FBXL20: variants seen among roughly 807,000 people sequenced by gnomAD.
The protein encoded by FBXL20 is F-box and leucine rich repeat protein 20.
In FBXL20, 11 loss-of-function variants were observed where a neutral mutation model predicts 64.0. That is an observed-to-expected ratio of 0.17 (90% CI 0.11 to 0.28). The LOEUF is 0.28. FBXL20 is among the 10% of genes least tolerant of loss of function. The pLI is 1.00. For synonymous variants in FBXL20, 184 were observed against 189.0 expected, an observed-to-expected ratio of 0.97 and a Z score of 0.22; for missense variants, 303 against 526.2, an observed-to-expected ratio of 0.58 and a Z score of 4.15.
upstream of FBXL20, chr17:39,401,760 G>A (rs538195619): frequency 5.8e-4 from 621 of 1,063,008 alleles, 2 homozygotes; most frequent in African/African-American, 9.4e-3. Flanking sequence ...CGGCGGCGGC[G>A]GCGCGAGACC....
chr17:39,278,249 G>A (rs1356766122), intron 9 of FBXL20, among the ~76,000 whole-genome samples: 1 of 152,102 alleles, frequency 6.6e-6, no homozygotes, highest in Non-Finnish European at 1.5e-5. Flanking sequence ...AGGTTCAAGT[G>A]AGTCTCCTGC....
intron 1 of FBXL20, among the ~76,000 whole-genome samples, chr17:39,344,621 AC>A (rs1319063711): frequency 7.1e-6 from 1 of 140,046 alleles, no homozygotes; most frequent in Non-Finnish European, 1.6e-5. Flanking sequence ...CCCCATCTCT[AC>A]TAAAAATACA....
intron 2 of FBXL20, among the ~76,000 whole-genome samples, chr17:39,319,203 C>T (rs1279823821): frequency 4.6e-5 from 7 of 151,518 alleles, no homozygotes; most frequent in African/African-American, 9.7e-5. Context: ...GAGTTGAGAT[C>T]GCATCACTGC....
intron 2 of FBXL20, among the ~76,000 whole-genome samples, chr17:39,304,207 C>T (rs1338983512): frequency 6.6e-6 from 1 of 151,852 alleles, no homozygotes; most frequent in Non-Finnish European, 1.5e-5. Flanking sequence ...TAAATAATCT[C>T]TAGCTGGTTT....
At position 39,261,277 on chromosome 17, in the gene FBXL20, A is replaced by T. The variant is rs1343827422; in HGVS notation, c.*183T>A. 8 of 545,378 alleles carry T rather than the reference A, an allele frequency of 1.5e-5. No individual in the cohort carries two copies. The highest frequency in any genetic ancestry group is 2.3e-5 in the Non-Finnish European group (7 of 301,878). 33.8% of individuals were successfully genotyped at this position (545,378 alleles called of 1,614,324 possible). On this transcript the variant is annotated 3_prime_UTR_variant, in exon 15 of 15. Transcript: ENST00000264658. ...ACTTCAGTCCCATGGTCACAAAGCT[A>T]GAGTGGATGGGGGTAAGGGTGTGTA...
chr17:39,260,701 C>A lies in FBXL20; in HGVS notation c.*759G>T, dbSNP rs1410629250. 6.6e-6 allele frequency: 1 copy of A among 152,636 alleles called. No individual in the cohort carries two copies. The highest frequency in any genetic ancestry group is 1.5e-5 in the Non-Finnish European group (1 of 68,040). 9.5% of individuals were successfully genotyped at this position (152,636 alleles called of 1,614,324 possible). On this transcript the variant is annotated 3_prime_UTR_variant, in exon 15 of 15. Transcript: ENST00000264658. Reference sequence around the variant, plus strand: ...AAACACGACAACAGCAAAAGGGTAACAATTGAGTGAGTAAGCAGACTGAAC... The same window carrying A: ...AAACACGACAACAGCAAAAGGGTAAAAATTGAGTGAGTAAGCAGACTGAAC...
chr17:39,335,645 T>C, intron 2 of FBXL20, among the ~76,000 whole-genome samples: 1 of 151,830 alleles, frequency 6.6e-6, no homozygotes, highest in Non-Finnish European at 1.5e-5. Flanking sequence ...CAGTAGCTCT[T>C]GGAAAACACA....
Position 39,292,216 on chromosome 17 carries a change from CT to C in FBXL20, c.398+4910del, listed in dbSNP as rs1223229393. 4.0e-5 allele frequency among the ~76,000 whole-genome samples: 6 copies of C among 150,474 alleles called. 1 individual carries two copies. The highest frequency in any genetic ancestry group is 2.1e-4 in the South Asian group (1 of 4,816). On this transcript the variant is annotated intron_variant, in intron 6 of 14. Transcript: ENST00000264658. ...ATAAGCCAGGGGTACTATTTAATAC[CT>C]TTTTTTCATCTAATTTTTTTCCTTA...
intron 4 of FBXL20, among the ~76,000 whole-genome samples, chr17:39,300,572 C>T (rs898566258): frequency 3.9e-5 from 6 of 152,144 alleles, no homozygotes; most frequent in African/African-American, 1.2e-4. Context: ...ATTCAACCTT[C>T]GTTCTCCACA....
chr17:39,351,705 G>A (rs796688057), intron 1 of FBXL20, among the ~76,000 whole-genome samples: 13 of 152,070 alleles, frequency 8.5e-5, no homozygotes, highest in African/African-American at 2.9e-4. Context: ...ATATATTTCT[G>A]TCATCTATAA....
intron 1 of FBXL20, among the ~76,000 whole-genome samples, chr17:39,362,663 G>A (rs183993279): frequency 6.9e-6 from 1 of 145,172 alleles, no homozygotes; most frequent in Non-Finnish European, 1.5e-5. Context: ...CTGTCAACCA[G>A]GCTGGAGTGC....
At position 39,261,773 on chromosome 17, in the gene FBXL20, T is replaced by C. The variant is rs1382888966; in HGVS notation, c.1204-206A>G. Among the ~76,000 whole-genome samples the C allele has an allele frequency of 3.3e-5, 5 of 151,930 alleles. 1 individual carries two copies. Among genetic ancestry groups the C allele is most frequent in the Non-Finnish European group, 5.9e-5 (4 of 67,984 alleles). ...ACCAGAACAACTCATATGACTTTGG[T>C]ACCTGTTTGTGTAATAATAAAACTG... On this transcript the variant is annotated intron_variant, in intron 14 of 14. Coordinates refer to ENST00000264658, the MANE Select transcript of FBXL20 (RefSeq NM_032875.3).
chr17:39,393,161 C>T (rs535984399), intron 1 of FBXL20, among the ~76,000 whole-genome samples: 174 of 151,670 alleles, frequency 1.1e-3, no homozygotes, highest in Middle Eastern at 3.4e-3. Flanking sequence ...TGGTGGCGGG[C>T]ACCTGTAATC....
chr17:39,283,937 A>G (rs149565310), intron 7 of FBXL20, among the ~76,000 whole-genome samples: 1 of 151,536 alleles, frequency 6.6e-6, no homozygotes, highest in East Asian at 1.9e-4. Flanking sequence ...TCATTCTCCA[A>G]TATTAATAGT....
chr17:39,294,998 A>G (rs1269920952), intron 6 of FBXL20, among the ~76,000 whole-genome samples: 1 of 152,250 alleles, frequency 6.6e-6, no homozygotes, highest in Non-Finnish European at 1.5e-5. Context: ...CACTCATATG[A>G]GAGACTTTAT....
intron 1 of FBXL20, 22 bp from the exon 2 acceptor site, chr17:39,343,263 G>A (rs1434300793): frequency 6.5e-7 from 1 of 1,549,676 alleles, no homozygotes. Context: ...AAATCATAGT[G>A]TCAAGTGTTA....
intron 6 of FBXL20, among the ~76,000 whole-genome samples, chr17:39,295,805 A>ATATATATATATATATATATATATATATT (rs1026860846): frequency 1.3e-5 from 2 of 149,082 alleles, no homozygotes; most frequent in Non-Finnish European, 3.0e-5. Context: ...ATATATATAT[A>ATATATATATATATATATATATATATATT]TTAAGTCTTC....
At chr17:39,282,965 T>TC (rs1340372290) in intron 7 of FBXL20, 110 bp from the exon 8 acceptor site, 11 of 1,307,932 alleles carry the variant, frequency 8.4e-6, no homozygotes, top group African/African-American at 7.4e-5. Flanking sequence ...TCCCATTTTT[T>TC]CCCACAAGAA....
At chr17:39,318,903 C>T (rs2047322172) in intron 2 of FBXL20, among the ~76,000 whole-genome samples, 3 of 152,108 alleles carry the variant, frequency 2.0e-5, no homozygotes, top group African/African-American at 7.2e-5. Context: ...ACTGAGAAGT[C>T]TTTGTTATTT....
Sources: allele counts gnomAD v4.1 joint callset (sites outside exome capture counted in the v4.1 genomes callset), GRCh38; gene constraint gnomAD v4.1.1; transcripts MANE v1.5; gene names NCBI Gene and HGNC (gene_info 2026-07-23, HGNC 2026-07-21).